KLF12: variants seen among roughly 807,000 people sequenced by gnomAD.
KLF12 encodes KLF transcription factor 12, also known as Krueppel-like factor 12.
KLF12 carries 9 observed loss-of-function variants against 37.8 expected under a neutral mutation model. The observed-to-expected ratio is 0.24, with a 90% CI of 0.14 to 0.42. KLF12 has a LOEUF of 0.42. Among genes scored for constraint, KLF12 ranks in the 10% least tolerant of loss-of-function variants. The pLI is 1.00. For synonymous variants in KLF12, 208 were observed against 202.1 expected (o/e 1.03, Z -0.25); for missense variants, 411 against 516.0 (o/e 0.80, Z 1.97).
the KLF12 span, among the ~76,000 whole-genome samples, chr13:74,260,643 T>G: frequency 2.3e-4 from 34 of 149,322 alleles, no homozygotes; most frequent in African/African-American, 8.4e-4. Flanking sequence ...AATTAATTGC[T>G]GGAGAGGTAC....
chr13:73,796,882 A>G (rs1310591120), intron 5 of KLF12, among the ~76,000 whole-genome samples: 1 of 152,232 alleles, frequency 6.6e-6, no homozygotes. Flanking sequence ...TAGCAATGCA[A>G]CAACATGCAA....
At chr13:74,195,219 G>A in the KLF12 span, among the ~76,000 whole-genome samples, 1 of 152,222 alleles carries the variant, frequency 6.6e-6, no homozygotes, top group East Asian at 1.9e-4. Context: ...CTTACAGACA[G>A]CAGAATTTAA....
chr13:73,814,682 C>T (rs1019261592), intron 4 of KLF12, among the ~76,000 whole-genome samples: 2 of 151,950 alleles, frequency 1.3e-5, no homozygotes, highest in African/African-American at 2.4e-5. Flanking sequence ...AGTAATGGTC[C>T]TCAACCAAGG....
chr13:74,174,570 A>G, the KLF12 span, among the ~76,000 whole-genome samples: 1 of 151,706 alleles, frequency 6.6e-6, no homozygotes, highest in Non-Finnish European at 1.5e-5. Context: ...TACTTTCCCC[A>G]TGGAACCCAC....
At chr13:74,053,333 A>G (rs1254168509) in intron 1 of KLF12, among the ~76,000 whole-genome samples, 1 of 152,174 alleles carries the variant, frequency 6.6e-6, no homozygotes, top group African/African-American at 2.4e-5. Flanking sequence ...TCATTAAACT[A>G]TAAAAATCAT....
At chr13:73,963,498 TAA>T (rs2139475246) in intron 2 of KLF12, among the ~76,000 whole-genome samples, 1 of 152,322 alleles carries the variant, frequency 6.6e-6, no homozygotes, top group East Asian at 1.9e-4. Context: ...ATGGATTATA[TAA>T]ACGTTAAAAA....
At chr13:74,059,295 C>G (rs1338788200) in intron 1 of KLF12, among the ~76,000 whole-genome samples, 1 of 152,192 alleles carries the variant, frequency 6.6e-6, no homozygotes, top group African/African-American at 2.4e-5. Flanking sequence ...TTTGGGTAGA[C>G]ACCCAGCAGT....
chr13:74,287,349 T>TGTGAGAGAGA, the KLF12 span, among the ~76,000 whole-genome samples: 1 of 71,896 alleles, frequency 1.4e-5, no homozygotes, highest in South Asian at 8.4e-4. Flanking sequence ...CTATCAAAGT[T>TGTGAGAGAGA]GAGAGAGAGA....
intron 6 of KLF12, among the ~76,000 whole-genome samples, chr13:73,742,008 T>G (rs1485846410): frequency 1.8e-5 from 2 of 113,450 alleles, no homozygotes; most frequent in African/African-American, 5.6e-5. Flanking sequence ...TCACTCACGT[T>G]GACCTTTTAC....
chr13:74,083,493 G>GACACACACACACACAC (rs61312097), intron 1 of KLF12, among the ~76,000 whole-genome samples: 2 of 136,518 alleles, frequency 1.5e-5, no homozygotes, highest in East Asian at 2.2e-4. Flanking sequence ...GGCGATAGGA[G>GACACACACACACACAC]ACACACACAC....
intron 2 of KLF12, among the ~76,000 whole-genome samples, chr13:73,991,562 TAGGC>T (rs373486971): frequency 3.2e-4 from 48 of 152,334 alleles, no homozygotes; most frequent in African/African-American, 1.1e-3. Context: ...ACTCTTGAAA[TAGGC>T]AGGACAGGTG....
intron 3 of KLF12, among the ~76,000 whole-genome samples, chr13:73,864,150 T>G (rs751065004): frequency 2.0e-5 from 3 of 152,058 alleles, no homozygotes; most frequent in Admixed American, 2.0e-4. Flanking sequence ...CCTGAATAAT[T>G]TGTAGTAAAT....
intron 1 of KLF12, among the ~76,000 whole-genome samples, chr13:74,101,755 G>C (rs1282546147): frequency 6.6e-6 from 1 of 152,174 alleles, no homozygotes; most frequent in Admixed American, 6.5e-5. Flanking sequence ...AACCCACCAA[G>C]TAAACTAGGA....
chr13:73,695,928 G>A (rs1874113374), intron 7 of KLF12, among the ~76,000 whole-genome samples: 1 of 152,034 alleles, frequency 6.6e-6, no homozygotes, highest in African/African-American at 2.4e-5. Flanking sequence ...ACATATAAAG[G>A]CATGGATTGA....
chr13:73,939,492 T>C (rs1345820589), intron 3 of KLF12, among the ~76,000 whole-genome samples: 1 of 152,090 alleles, frequency 6.6e-6, no homozygotes, highest in Admixed American at 6.5e-5. Flanking sequence ...TATCCTTAAA[T>C]AAAAATTCAA....
Position 74,036,920 on chromosome 13 carries a change from T to G in KLF12, c.-31-41867A>C, listed in dbSNP as rs190326268. On this transcript the variant is annotated intron_variant, in intron 1 of 7. Transcript: ENST00000377669. ...GTCACATAAGCGTAAAAGATTTTCTTTTGGGCCAGGAGCCGTGGCTCACGC... is the reference window on the plus strand; with the variant it reads ...GTCACATAAGCGTAAAAGATTTTCTGTTGGGCCAGGAGCCGTGGCTCACGC... Among the ~76,000 whole-genome samples, 358 of 152,266 alleles carry G rather than the reference T, an allele frequency of 2.4e-3. 4 individuals carry two copies. The highest frequency in any genetic ancestry group is 7.9e-3 in the African/African-American group (330 of 41,566).
chr13:73,858,396 T>C (rs978921650), intron 3 of KLF12, among the ~76,000 whole-genome samples: 1 of 152,188 alleles, frequency 6.6e-6, no homozygotes, highest in Non-Finnish European at 1.5e-5. Flanking sequence ...AACAGCTAAA[T>C]ATAACTGATA....
At chr13:74,027,000 C>T (rs1261036876) in intron 1 of KLF12, among the ~76,000 whole-genome samples, 3 of 151,978 alleles carry the variant, frequency 2.0e-5, no homozygotes, top group Admixed American at 6.6e-5. Flanking sequence ...CAAATTCACA[C>T]GGTGGGGAAG....
chr13:74,017,051 G>A (rs1449196506), intron 1 of KLF12, among the ~76,000 whole-genome samples: 1 of 152,064 alleles, frequency 6.6e-6, no homozygotes, highest in Non-Finnish European at 1.5e-5. Flanking sequence ...AGTCGTCTAT[G>A]GTGATAGGAG....
Sources: allele counts gnomAD v4.1 joint callset (sites outside exome capture counted in the v4.1 genomes callset), GRCh38; gene constraint gnomAD v4.1.1; transcripts MANE v1.5; gene names NCBI Gene and HGNC (gene_info 2026-07-23, HGNC 2026-07-21).